The following GALNT13 variants were observed in gnomAD, a reference collection of about 807,000 sequenced individuals.
The protein encoded by GALNT13 is polypeptide N-acetylgalactosaminyltransferase 13.
Under a neutral mutation model 64.2 loss-of-function variants are expected in GALNT13, and 28 were observed. The ratio of observed to expected loss-of-function variants is 0.44; its 90% confidence interval spans 0.32 to 0.60. The LOEUF is 0.60. Ranked by LOEUF, GALNT13 falls within the 20% of genes least tolerant of loss-of-function variation. The probability of loss-of-function intolerance (pLI) is 0.05; values close to 1 mark genes in which losing one functional copy is unlikely to be tolerated. For missense variants in GALNT13, 577 were observed against 669.8 expected (o/e 0.86, Z 1.53); for synonymous variants, 214 against 224.6 (o/e 0.95, Z 0.42).
At chr2:153,917,214 T>G (rs1689419100) in intron 2 of GALNT13, among the ~76,000 whole-genome samples, 1 of 152,166 alleles carries the variant, frequency 6.6e-6, no homozygotes, top group East Asian at 1.9e-4. Flanking sequence ...TTATTCATAT[T>G]GCCATCATCT....
At chr2:153,382,499 T>A in the GALNT13 span, among the ~76,000 whole-genome samples, 3 of 152,144 alleles carry the variant, frequency 2.0e-5, no homozygotes, top group Non-Finnish European at 2.9e-5. Context: ...GCAAAAGACA[T>A]GATTTCATTC....
intron 4 of GALNT13, among the ~76,000 whole-genome samples, chr2:154,153,323 T>G (rs1281323490): frequency 1.3e-5 from 2 of 152,098 alleles, no homozygotes; most frequent in African/African-American, 4.8e-5. Context: ...CCATGTGAGG[T>G]GTCAGTCTGC....
At chr2:154,351,450 G>T (rs924659707) in intron 9 of GALNT13, among the ~76,000 whole-genome samples, 1 of 151,894 alleles carries the variant, frequency 6.6e-6, no homozygotes, top group Non-Finnish European at 1.5e-5. Flanking sequence ...TTGGGAGGCC[G>T]AGACAGGCGG....
intron 9 of GALNT13, among the ~76,000 whole-genome samples, chr2:154,335,631 C>T (rs752118125): frequency 6.6e-6 from 1 of 151,884 alleles, no homozygotes; most frequent in Admixed American, 6.6e-5. Flanking sequence ...GAAAAAACAA[C>T]GTATATACAT....
chr2:153,311,955 A>G, the GALNT13 span, among the ~76,000 whole-genome samples: 1 of 152,214 alleles, frequency 6.6e-6, no homozygotes, highest in Admixed American at 6.5e-5. Flanking sequence ...AATGACAATC[A>G]GTTGATAAAG....
chr2:154,422,444 A>G (rs72872402), intron 11 of GALNT13, among the ~76,000 whole-genome samples: 5,278 of 152,250 alleles, frequency 0.035, 107 homozygotes, highest in Non-Finnish European at 0.05. Flanking sequence ...TGGTGTATAC[A>G]GAAATGATAC....
At chr2:153,718,122 ACTT>A in the GALNT13 span, among the ~76,000 whole-genome samples, 1 of 152,100 alleles carries the variant, frequency 6.6e-6, no homozygotes, top group Non-Finnish European at 1.5e-5. Context: ...AAAAGTCCAC[ACTT>A]CTTAGAATTT....
At chr2:154,121,874 A>G (rs1681963365) in intron 3 of GALNT13, among the ~76,000 whole-genome samples, 1 of 152,108 alleles carries the variant, frequency 6.6e-6, no homozygotes, top group Non-Finnish European at 1.5e-5. Context: ...TCTGAGATCC[A>G]GTACAATGTT....
At chr2:153,365,835 G>A in the GALNT13 span, among the ~76,000 whole-genome samples, 1 of 152,144 alleles carries the variant, frequency 6.6e-6, no homozygotes, top group Admixed American at 6.5e-5. Flanking sequence ...ACAGTGTGGA[G>A]ATTCCTTAAG....
chr2:153,803,483 G>A, the GALNT13 span, among the ~76,000 whole-genome samples: 2 of 152,034 alleles, frequency 1.3e-5, no homozygotes, highest in Admixed American at 6.5e-5. Flanking sequence ...ACGAGGTCAG[G>A]AGATCGAGAC....
At chr2:154,142,549 C>CAAAA (rs71396392) in intron 4 of GALNT13, among the ~76,000 whole-genome samples, 168 of 64,072 alleles carry the variant, frequency 2.6e-3, no homozygotes, top group East Asian at 3.5e-3. Flanking sequence ...AACTCTGTCT[C>CAAAA]AAAAAAAAAA....
chr2:153,625,054 A>C, the GALNT13 span, among the ~76,000 whole-genome samples: 8 of 152,130 alleles, frequency 5.3e-5, no homozygotes, highest in African/African-American at 1.9e-4. Context: ...AGATCCTAGC[A>C]ATTCTAAAAT....
intron 3 of GALNT13, among the ~76,000 whole-genome samples, chr2:153,966,955 CA>C (rs1414856718): frequency 2.6e-5 from 4 of 152,018 alleles, no homozygotes; most frequent in African/African-American, 9.7e-5. Flanking sequence ...TATTTTCATA[CA>C]GTCTATCTTC....
intron 10 of GALNT13, among the ~76,000 whole-genome samples, chr2:154,402,109 T>C (rs1332845855): frequency 1.3e-5 from 2 of 152,158 alleles, no homozygotes; most frequent in African/African-American, 4.8e-5. Flanking sequence ...AAAATAATGA[T>C]AAAAAATAAT....
At chr2:153,440,996 G>T in the GALNT13 span, among the ~76,000 whole-genome samples, 1 of 152,084 alleles carries the variant, frequency 6.6e-6, no homozygotes, top group South Asian at 2.1e-4. Context: ...CATTGCTTTT[G>T]GTGTTTTAGT....
chr2:153,778,923 G>C, the GALNT13 span, among the ~76,000 whole-genome samples: 1 of 152,180 alleles, frequency 6.6e-6, no homozygotes, highest in Non-Finnish European at 1.5e-5. Context: ...TAGAAAAGCA[G>C]AGTAATAGGA....
the GALNT13 span, among the ~76,000 whole-genome samples, chr2:153,397,346 T>G: frequency 1.3e-5 from 2 of 152,130 alleles, no homozygotes; most frequent in African/African-American, 4.8e-5. Flanking sequence ...TTACTGATGA[T>G]AATGTGCTAT....
the GALNT13 span, among the ~76,000 whole-genome samples, chr2:153,334,542 T>C: frequency 4.6e-5 from 7 of 152,058 alleles, no homozygotes; most frequent in African/African-American, 1.7e-4. Flanking sequence ...AACAAAATGA[T>C]AAAGATTTTT....
chr2:154,169,232 A>T (rs1332968127), intron 4 of GALNT13, among the ~76,000 whole-genome samples: 1 of 152,058 alleles, frequency 6.6e-6, no homozygotes, highest in African/African-American at 2.4e-5. Context: ...TTTGGAGGGG[A>T]GGGGTCAAAC....
Sources: gnomAD v4.1 joint callset for allele counts (sites outside exome capture counted in the v4.1 genomes callset) on GRCh38, gnomAD v4.1.1 for gene constraint, MANE v1.5 for transcripts, NCBI Gene and HGNC (gene_info 2026-07-23, HGNC 2026-07-21) for gene names.